Variants in ARMH3 observed in about 807,000 individuals in gnomAD.
The protein encoded by ARMH3 is armadillo-like helical domain-containing protein 3.
Under a neutral mutation model 99.1 loss-of-function variants are expected in ARMH3, and 60 were observed. That is an observed-to-expected ratio of 0.61 (90% CI 0.49 to 0.75). The LOEUF (loss-of-function observed/expected upper bound fraction) is 0.75, where lower values mean the gene tolerates loss of function less well. ARMH3 is among the 30% of genes least tolerant of loss of function. The pLI is 0.00. For synonymous variants in ARMH3, 285 were observed against 292.8 expected (o/e 0.97, Z 0.27); for missense variants, 679 against 843.1 (o/e 0.81, Z 2.41).
chr10:101,977,369 C>T (rs575690270), intron 19 of ARMH3, among the ~76,000 whole-genome samples: 33 of 151,472 alleles, frequency 2.2e-4, no homozygotes, highest in Non-Finnish European at 4.0e-4. Context: ...AAAAGCCAGA[C>T]GAAATTATAA....
intron 15 of ARMH3, among the ~76,000 whole-genome samples, chr10:101,996,937 C>T (rs553168917): frequency 6.6e-6 from 1 of 152,042 alleles, no homozygotes; most frequent in East Asian, 1.9e-4. Context: ...AGAAAAATCC[C>T]AAGTAATAAA....
chr10:101,916,800 C>T (rs979528303), intron 23 of ARMH3, among the ~76,000 whole-genome samples: 3 of 152,162 alleles, frequency 2.0e-5, no homozygotes, highest in Non-Finnish European at 4.4e-5. Context: ...CTGTTGAAAG[C>T]CCACCTGAAT....
intron 5 of ARMH3, 34 bp from the exon 6 acceptor site, chr10:102,025,282 C>A (rs961918393): frequency 1.3e-6 from 2 of 1,538,264 alleles, no homozygotes; most frequent in Admixed American, 3.3e-5. Flanking sequence ...TTAAACCATA[C>A]CAGATAACAC....
At chr10:101,952,542 A>G (rs905444050) in intron 22 of ARMH3, 1 of 152,200 alleles carries the variant, frequency 6.6e-6, no homozygotes, top group Non-Finnish European at 1.5e-5. Flanking sequence ...TGTGGTAAAA[A>G]AAAAGAAAAG....
intron 23 of ARMH3, among the ~76,000 whole-genome samples, chr10:101,908,329 A>C (rs989393340): frequency 2.6e-5 from 4 of 152,206 alleles, no homozygotes; most frequent in African/African-American, 7.2e-5. Flanking sequence ...CTTTTTACAT[A>C]TTAATTTAAC....
intron 23 of ARMH3, among the ~76,000 whole-genome samples, chr10:101,922,918 G>C (rs1210688109): frequency 1.3e-5 from 2 of 152,066 alleles, no homozygotes; most frequent in African/African-American, 4.8e-5. Flanking sequence ...ATATGAAAAT[G>C]GTGTCTAATG....
intron 2 of ARMH3, among the ~76,000 whole-genome samples, chr10:102,034,641 A>G (rs1021203435): frequency 2.6e-5 from 4 of 151,540 alleles, no homozygotes; most frequent in Non-Finnish European, 4.4e-5. Flanking sequence ...ATCTCAAAAA[A>G]AAAAAAGAAA....
chr10:101,977,542 G>T (rs899082709), intron 19 of ARMH3, among the ~76,000 whole-genome samples: 2 of 152,192 alleles, frequency 1.3e-5, no homozygotes, highest in Non-Finnish European at 2.9e-5. Context: ...ATACATAGAT[G>T]ATAAAAACAG....
chr10:101,983,113 T>C (rs917629710), intron 19 of ARMH3, among the ~76,000 whole-genome samples: 28 of 152,204 alleles, frequency 1.8e-4, no homozygotes, highest in Admixed American at 1.6e-3. Context: ...TGTTTGTATG[T>C]TGAGGTGACT....
chr10:102,035,009 G>A (rs1385301300), intron 2 of ARMH3, among the ~76,000 whole-genome samples: 1 of 152,140 alleles, frequency 6.6e-6, no homozygotes. Context: ...GGCTGAGGCG[G>A]GTGGATCACC....
chr10:101,957,502 C>G (rs567763042), intron 21 of ARMH3, 148 bp downstream of exon 21: 1 of 766,756 alleles, frequency 1.3e-6, no homozygotes, highest in African/African-American at 1.8e-5. Context: ...GAGTGGGGAC[C>G]ACCAGTCCAG....
chr10:102,005,921 T>C (rs2066473830), intron 14 of ARMH3, among the ~76,000 whole-genome samples: 1 of 152,220 alleles, frequency 6.6e-6, no homozygotes, highest in African/African-American at 2.4e-5. Flanking sequence ...GAGTGGCTGA[T>C]AGACACATAA....
chr10:101,874,480 C>G (rs1376873610), intron 24 of ARMH3, among the ~76,000 whole-genome samples: 2 of 152,168 alleles, frequency 1.3e-5, no homozygotes, highest in Non-Finnish European at 2.9e-5. Context: ...CCCACCACCC[C>G]TGAACAACCC....
intron 22 of ARMH3, among the ~76,000 whole-genome samples, chr10:101,940,811 A>C (rs548969518): frequency 6.6e-6 from 1 of 152,016 alleles, no homozygotes; most frequent in East Asian, 1.9e-4. Context: ...CACAGAGAGG[A>C]AAGATAATAG....
chr10:101,881,332 A>T (rs1258684269), intron 24 of ARMH3, among the ~76,000 whole-genome samples: 1 of 152,130 alleles, frequency 6.6e-6, no homozygotes, highest in Non-Finnish European at 1.5e-5. Context: ...CTCCTGGGTC[A>T]CTTGGTTGAA....
intron 20 of ARMH3, among the ~76,000 whole-genome samples, chr10:101,972,220 C>T (rs1181612777): frequency 6.6e-6 from 1 of 152,104 alleles, no homozygotes; most frequent in East Asian, 1.9e-4. Context: ...CCTCTGGCTA[C>T]CTCCCCAATA....
rs755101585 is a variant in ARMH3, at chr10:102,033,045, C to T, written c.287G>A (p.Arg96Gln). Residue 96 changes from arginine to glutamine, a missense_variant, in exon 4 of 26, where the codon CGG (arginine) becomes CAG (glutamine). Physicochemically the swap from Arg to Gln is conservative, Grantham distance 43 (BLOSUM62 1). This residue lies in a region of ARMH3 where 280 missense variants were observed against 354.6 expected (regional missense o/e 0.79). Coordinates refer to ENST00000370033, the MANE Select transcript of ARMH3 (RefSeq NM_024541.3). ...IQALGEEHPI[R>Q]VVNALQTLCA... ...TTGTACCTGCAATGCATTGACAACC[C>T]GAATTGGATGCTCCTCTCCCAGAGC... 1.1e-5 allele frequency: 18 copies of T among 1,613,958 alleles called. No individual in the cohort carries two copies. The highest frequency in any genetic ancestry group is 1.4e-5 in the Non-Finnish European group (16 of 1,179,982).
chr10:102,045,781 G>C (rs1209609925), intron 1 of ARMH3, among the ~76,000 whole-genome samples: 1 of 152,054 alleles, frequency 6.6e-6, no homozygotes, highest in Non-Finnish European at 1.5e-5. Flanking sequence ...ATGAAGCAAT[G>C]TGAGTAAGTT....
At chr10:101,956,491 A>ACAGGG in intron 22 of ARMH3, 106 bp downstream of exon 22, 4 of 1,416,454 alleles carry the variant, frequency 2.8e-6, no homozygotes, top group Non-Finnish European at 3.9e-6. Flanking sequence ...TCTGTGCCAC[A>ACAGGG]CAGGGCACCA....
Sources: gnomAD v4.1 joint callset for allele counts (sites outside exome capture counted in the v4.1 genomes callset) on GRCh38, gnomAD v4.1.1 for gene constraint, gnomAD v4.1.1 regional missense constraint, MANE v1.5 for transcripts, NCBI Gene and HGNC (gene_info 2026-07-23, HGNC 2026-07-21) for gene names.